TRAPPC13: variants seen among roughly 807,000 people sequenced by gnomAD.
TRAPPC13 encodes trafficking protein particle complex subunit 13.
Under a neutral mutation model 54.0 loss-of-function variants are expected in TRAPPC13, and 39 were observed. The observed-to-expected ratio is 0.72, with a 90% CI of 0.56 to 0.94. The LOEUF is 0.94. Ranked by LOEUF, TRAPPC13 falls within the 40% of genes least tolerant of loss-of-function variation. The pLI is 0.00. For synonymous variants in TRAPPC13, 148 were observed against 167.7 expected, an observed-to-expected ratio of 0.88 and a Z score of 0.91; for missense variants, 386 against 488.1, an observed-to-expected ratio of 0.79 and a Z score of 1.97.
At position 65,650,697 on chromosome 5, in the gene TRAPPC13, T is replaced by C. The variant is rs1207658661; in HGVS notation, c.429-113T>C. The C allele has an allele frequency of 5.2e-6, 4 of 764,920 alleles. No individual in the cohort carries two copies. In the East Asian group the frequency reaches 1.1e-4, roughly 20 times the overall value. The allele number at this position is 764,920 out of a possible 1,614,324, so 47.4% of individuals were successfully genotyped here. ...TTTTCCCCTGCTCTAATCTCACACA[T>C]CCACACCATAGATATAAGTGTTTTC... On this transcript the variant is annotated intron_variant, in intron 5 of 12. Transcript: ENST00000399438.
At chr5:65,661,812 C>A (rs1004163463) in intron 10 of TRAPPC13, 1 of 366,238 alleles carries the variant, frequency 2.7e-6, no homozygotes, top group East Asian at 4.7e-5. Flanking sequence ...CATCTTAACT[C>A]TACTGAACAT....
In TRAPPC13 at chr5:65,643,019, G is replaced by A. The variant is rs1226350876; in HGVS notation, c.301-4036G>A. Among the ~76,000 whole-genome samples the A allele has an allele frequency of 2.0e-5, 3 of 152,054 alleles. No individual in the cohort carries two copies. The South Asian group carries it at 6.2e-4, about 32-fold the overall frequency. ...CTTACATTAAGACAATATAATAAAT[G>A]TGAAAATACTTTGCAGAATTGCCCA... On this transcript the variant is annotated intron_variant, in intron 4 of 12. Transcript: ENST00000399438.
intron 5 of TRAPPC13, among the ~76,000 whole-genome samples, chr5:65,648,690 C>A (rs1451641465): frequency 5.3e-5 from 8 of 152,130 alleles, no homozygotes; most frequent in Non-Finnish European, 1.2e-4. Flanking sequence ...TTAGTCAGTA[C>A]TAGGCAGCAC....
chr5:65,628,721 T>G (rs1755371691), intron 1 of TRAPPC13, among the ~76,000 whole-genome samples: 1 of 152,062 alleles, frequency 6.6e-6, no homozygotes, highest in South Asian at 2.1e-4. Context: ...CTGCCCGCCT[T>G]GGCCCCCATA....
rs60169195 is a variant in TRAPPC13, at chr5:65,627,131, C to CAAAAAAAAAAAAAA, written c.46+2038_46+2051dup. 9.3e-3 allele frequency among the ~76,000 whole-genome samples: 303 copies of CAAAAAAAAAAAAAA among 32,562 alleles called. 45 individuals are homozygous for CAAAAAAAAAAAAAA. The highest frequency in any genetic ancestry group is 0.015 in the Non-Finnish European group (226 of 15,512). 21.4% of individuals were successfully genotyped at this position (32,562 alleles called of 152,430 possible). A position where few individuals can be genotyped will look rare whatever the true frequency, so the allele number is the denominator to read the frequency against. On this transcript the variant is annotated intron_variant, in intron 1 of 12. Transcript: ENST00000399438. ...TGGGTGACAGAGTGAGACCCTGTCTCAAAAAAAAAAAAAAAAAAAAAAAAA... is the reference window on the plus strand; with the variant it reads ...TGGGTGACAGAGTGAGACCCTGTCTCAAAAAAAAAAAAAAAAAAAAAAAAAAAAAAAAAAAAAAA...
chr5:65,639,384 G>T (rs1259640565), intron 4 of TRAPPC13, among the ~76,000 whole-genome samples: 1 of 151,908 alleles, frequency 6.6e-6, no homozygotes, highest in East Asian at 1.9e-4. Flanking sequence ...AACAGGCCTG[G>T]CACAGTGGCT....
At chr5:65,652,774 T>C (rs1207918983) in intron 7 of TRAPPC13, 1 of 561,628 alleles carries the variant, frequency 1.8e-6, no homozygotes, top group African/African-American at 1.9e-5. Context: ...GTTAATTTTA[T>C]AAGGCTTTCA....
At chr5:65,636,254 G>A (rs938698216) in intron 3 of TRAPPC13, among the ~76,000 whole-genome samples, 12 of 149,978 alleles carry the variant, frequency 8.0e-5, no homozygotes, top group African/African-American at 3.0e-4. Flanking sequence ...AGCAATTCTC[G>A]TGCCTCAGCC....
intron 5 of TRAPPC13, among the ~76,000 whole-genome samples, chr5:65,647,845 C>T (rs184784423): frequency 5.3e-5 from 8 of 152,082 alleles, no homozygotes; most frequent in African/African-American, 1.9e-4. Flanking sequence ...TTTTGCTTCT[C>T]TTTGTGCCCA....
At chr5:65,634,237 G>T (rs1028126902) in intron 1 of TRAPPC13, among the ~76,000 whole-genome samples, 3 of 151,946 alleles carry the variant, frequency 2.0e-5, no homozygotes, top group African/African-American at 7.2e-5. Flanking sequence ...CGCCCGCCTT[G>T]GCCTCCCAAA....
chr5:65,644,333 T>C (rs1756098942), intron 4 of TRAPPC13, among the ~76,000 whole-genome samples: 1 of 152,116 alleles, frequency 6.6e-6, no homozygotes, highest in Admixed American at 6.6e-5. Flanking sequence ...ACTGCCACAA[T>C]GCCTGGCCAA....
In TRAPPC13 at chr5:65,651,399, T is replaced by G. The variant is rs1030059449; in HGVS notation, c.501+517T>G. On this transcript the variant is annotated intron_variant, in intron 6 of 12. Transcript: ENST00000399438. The stretch of plus-strand genomic sequence containing the variant: ...CTGTCTCCGAAAAGTAAATAACTTG[T>G]TTTTATGGCCTGAGAAAACACACAA... Among the ~76,000 whole-genome samples, 5 of 152,154 alleles carry G rather than the reference T, an allele frequency of 3.3e-5. No homozygotes were observed. In the South Asian group the frequency reaches 8.3e-4, roughly 25 times the overall value.
chr5:65,655,714 C>A (rs1271555472), intron 8 of TRAPPC13, 61 bp downstream of exon 8: 1 of 602,870 alleles, frequency 1.7e-6, no homozygotes, highest in Non-Finnish European at 2.5e-6. Context: ...TTTGACTCTG[C>A]CTAATTAATC....
At chr5:65,638,680 C>T (rs889840951) in intron 4 of TRAPPC13, among the ~76,000 whole-genome samples, 4 of 152,186 alleles carry the variant, frequency 2.6e-5, no homozygotes, top group Non-Finnish European at 4.4e-5. Context: ...TATAGTTCCA[C>T]GTAGCTGGGG....
intron 8 of TRAPPC13, among the ~76,000 whole-genome samples, chr5:65,656,486 A>G (rs1012375895): frequency 6.6e-6 from 1 of 152,064 alleles, no homozygotes; most frequent in Non-Finnish European, 1.5e-5. Context: ...AAATCATTTT[A>G]TTTCTATTTT....
At chr5:65,630,645 C>T (rs1194653979) in intron 1 of TRAPPC13, 2 of 1,024,480 alleles carry the variant, frequency 2.0e-6, no homozygotes, top group African/African-American at 1.7e-5. Flanking sequence ...TCTAATTTTA[C>T]TGTATTTTTT....
At chr5:65,635,231 C>A in intron 1 of TRAPPC13, 70 bp from the exon 2 acceptor site, 1 of 1,299,992 alleles carries the variant, frequency 7.7e-7, no homozygotes, top group Non-Finnish European at 1.1e-6. Flanking sequence ...GAATGTCATA[C>A]ACTAGACTTG....
chr5:65,651,630 G>A (rs572991069), intron 6 of TRAPPC13, among the ~76,000 whole-genome samples: 2 of 128,374 alleles, frequency 1.6e-5, no homozygotes, highest in African/African-American at 2.8e-5. Context: ...CAAAACACTG[G>A]TTTAGCACAT....
At chr5:65,642,936 T>C (rs1184582266) in intron 4 of TRAPPC13, among the ~76,000 whole-genome samples, 2 of 152,212 alleles carry the variant, frequency 1.3e-5, no homozygotes, top group Non-Finnish European at 2.9e-5. Flanking sequence ...AAAGAGCTGA[T>C]GCCTACTGTA....
Sources: allele counts gnomAD v4.1 joint callset (sites outside exome capture counted in the v4.1 genomes callset), GRCh38; gene constraint gnomAD v4.1.1; transcripts MANE v1.5; gene names NCBI Gene and HGNC (gene_info 2026-07-23, HGNC 2026-07-21).